EYS: variants seen among roughly 807,000 people sequenced by gnomAD.
EYS encodes the protein EGF-like photoreceptor maintenance factor.
A neutral mutation model predicts 282.1 loss-of-function variants in EYS; 250 were observed. That is an observed-to-expected ratio of 0.89 (90% CI 0.80 to 0.98). EYS has a LOEUF of 0.98. Among genes scored for constraint, EYS ranks in the 50% least tolerant of loss-of-function variants. The probability of loss-of-function intolerance (pLI) is 0.00; values close to 1 mark genes in which losing one functional copy is unlikely to be tolerated. For missense variants in EYS, 4,016 were observed against 3,709.0 expected, an observed-to-expected ratio of 1.08 and a Z score of -2.15; for synonymous variants, 1,355 against 1,282.9, an observed-to-expected ratio of 1.06 and a Z score of -1.20.
At chr6:64,778,322 G>T (rs889848914) in intron 22 of EYS, among the ~76,000 whole-genome samples, 1 of 152,264 alleles carries the variant, frequency 6.6e-6, no homozygotes, top group African/African-American at 2.4e-5. Flanking sequence ...ATAAAATGTT[G>T]CTTGTCCAGC....
At chr6:64,093,325 A>G (rs1392485076) in intron 31 of EYS, among the ~76,000 whole-genome samples, 1 of 152,142 alleles carries the variant, frequency 6.6e-6, no homozygotes, top group African/African-American at 2.4e-5. Context: ...ATGGCATTGA[A>G]TCTATAAATT....
At chr6:65,194,206 C>T (rs1344647838) in intron 12 of EYS, among the ~76,000 whole-genome samples, 2 of 151,804 alleles carry the variant, frequency 1.3e-5, no homozygotes, top group Admixed American at 6.6e-5. Flanking sequence ...TGCAACTTTT[C>T]TGTTCAATAG....
intron 22 of EYS, among the ~76,000 whole-genome samples, chr6:64,787,153 T>G (rs950600816): frequency 1.3e-5 from 2 of 152,196 alleles, no homozygotes; most frequent in Non-Finnish European, 2.9e-5. Flanking sequence ...TATGAGTCCC[T>G]TGTGCCAGTA....
At chr6:65,245,134 T>A (rs1767148761) in intron 12 of EYS, among the ~76,000 whole-genome samples, 1 of 152,170 alleles carries the variant, frequency 6.6e-6, no homozygotes, top group Non-Finnish European at 1.5e-5. Flanking sequence ...TTTAGAATCA[T>A]CCCAGCATAT....
rs150438668 is a variant in EYS, at chr6:64,127,198, G to C, written c.6425-45196C>G. Among the ~76,000 whole-genome samples, 1,438 of 152,198 alleles carry C rather than the reference G, an allele frequency of 9.4e-3. 7 individuals carry two copies. The highest frequency in any genetic ancestry group is 0.027 in the Middle Eastern group (8 of 294). ...ATATCATGTGTCTTGTTTGTATCTA[G>C]GTTTCTGAAAGCTTAAATACAGATT... On this transcript the variant is annotated intron_variant, in intron 31 of 42. Coordinates refer to ENST00000503581, the MANE Select transcript of EYS (RefSeq NM_001142800.2).
chr6:64,945,806 A>C lies in EYS; in HGVS notation c.2368T>G (p.Tyr790Asp). 6.5e-7 allele frequency: 1 copy of C among 1,548,896 alleles called. No homozygotes were observed. Among genetic ancestry groups the C allele is most frequent in the East Asian group, 2.5e-5 (1 of 40,766 alleles). The change falls in exon 15 of 43, where the codon TAC becomes GAC. Residue 790 changes from tyrosine to aspartate, a missense_variant. Physicochemically the swap from Tyr to Asp is radical, Grantham distance 160. Coordinates refer to ENST00000503581, the MANE Select transcript of EYS (RefSeq NM_001142800.2). ...TATGTTACTCACCGATAGCTTTTGT[A>C]AAGGTCAGTACAGGTGGAATTGTTC... ...CKNNSTCTDL[Y>D]KSYRCECTSG...
chr6:63,721,243 CA>C lies in EYS; in HGVS notation c.8787del (p.Asp2930ThrfsTer45). 6.4e-7 allele frequency: 1 copy of C among 1,551,752 alleles called. No homozygotes were observed. Among genetic ancestry groups the C allele is most frequent in the South Asian group, 1.2e-5 (1 of 84,024 alleles). ...NLCLHQSLCI[P>X]DQSFSYSCLC... The stretch of plus-strand genomic sequence containing the variant: ...AGGCAACTGTAAGAAAATGATTGGT[CA>C]GGTATACATAAAGATTGGTGGAGGC... On this transcript the variant is annotated frameshift_variant, in exon 43 of 43. Transcript: ENST00000503581. LOFTEE classifies it high-confidence loss of function.
chr6:64,924,023 C>A (rs960693160), intron 15 of EYS, among the ~76,000 whole-genome samples: 4 of 152,210 alleles, frequency 2.6e-5, no homozygotes, highest in African/African-American at 9.6e-5. Flanking sequence ...AGTAGGGACT[C>A]TGTGTGGGGA....
At chr6:64,089,631 TAC>T (rs1471194728) in intron 31 of EYS, among the ~76,000 whole-genome samples, 2 of 151,934 alleles carry the variant, frequency 1.3e-5, no homozygotes, top group Non-Finnish European at 2.9e-5. Flanking sequence ...ACTAAATTAT[TAC>T]ACTTACTTGA....
chr6:65,398,532 G>C (rs1245337612), intron 7 of EYS, among the ~76,000 whole-genome samples: 3 of 151,754 alleles, frequency 2.0e-5, no homozygotes, highest in Non-Finnish European at 4.4e-5. Flanking sequence ...AAAAAACTAG[G>C]AGAAACTCTT....
intron 15 of EYS, among the ~76,000 whole-genome samples, chr6:64,931,133 G>A (rs1346993317): frequency 2.0e-5 from 3 of 152,032 alleles, no homozygotes; most frequent in African/African-American, 7.2e-5. Flanking sequence ...AGTAACTTAG[G>A]ACACACAAAT....
intron 22 of EYS, among the ~76,000 whole-genome samples, chr6:64,682,538 T>A (rs1769937317): frequency 6.6e-6 from 1 of 151,976 alleles, no homozygotes; most frequent in Non-Finnish European, 1.5e-5. Context: ...AATGGCAGAG[T>A]ATGACCTTCC....
chr6:64,483,973 G>A (rs183354396), intron 26 of EYS, among the ~76,000 whole-genome samples: 1 of 151,616 alleles, frequency 6.6e-6, no homozygotes, highest in Non-Finnish European at 1.5e-5. Context: ...CACTTTTGTA[G>A]GTGGGCATTA....
Position 65,692,505 on chromosome 6 carries a change from T to C in EYS, c.-448+14630A>G, listed in dbSNP as rs1769280705. On this transcript the variant is annotated intron_variant, in intron 1 of 42. Coordinates refer to ENST00000503581, the MANE Select transcript of EYS (RefSeq NM_001142800.2). ...ACTTAGTTTATTAAAAGAAGATCTT[T>C]TCATACTTGTTTCCTGGTAATGAAA... Among the ~76,000 whole-genome samples the C allele has an allele frequency of 1.3e-5, 2 of 150,322 alleles. 1 individual carries two copies. The highest frequency in any genetic ancestry group is 1.3e-4 in the Admixed American group (2 of 14,968).
intron 26 of EYS, among the ~76,000 whole-genome samples, chr6:64,567,070 C>A (rs772331236): frequency 6.6e-6 from 1 of 152,050 alleles, no homozygotes; most frequent in Non-Finnish European, 1.5e-5. Flanking sequence ...CCACTCCACC[C>A]GGCCTTAATT....
intron 29 of EYS, among the ~76,000 whole-genome samples, chr6:64,383,198 G>A (rs564390131): frequency 6.6e-6 from 1 of 152,142 alleles, no homozygotes; most frequent in East Asian, 1.9e-4. Context: ...CTACTAGGGG[G>A]GCTGAGGTGG....
rs180835683 is a variant in EYS, at chr6:65,272,922, G to A, written c.2023+22941C>T. 1.3e-3 allele frequency among the ~76,000 whole-genome samples: 205 copies of A among 152,238 alleles called. 3 individuals are homozygous for A. Among genetic ancestry groups the A allele is most frequent in the African/African-American group, 4.5e-3 (189 of 41,564 alleles). ...TAGGGCCTACCATAAGCATGTGTGC[G>A]ATCAAGTTTAATTTATAAATTAGTC... On this transcript the variant is annotated intron_variant, in intron 12 of 42. Transcript: ENST00000503581.
chr6:64,396,083 C>T (rs965149079), intron 28 of EYS, among the ~76,000 whole-genome samples: 7 of 152,066 alleles, frequency 4.6e-5, no homozygotes, highest in African/African-American at 1.4e-4. Flanking sequence ...CAGACACACA[C>T]GCACACACAT....
intron 34 of EYS, among the ~76,000 whole-genome samples, chr6:63,995,285 A>G (rs531422766): frequency 6.6e-6 from 1 of 152,210 alleles, no homozygotes; most frequent in South Asian, 2.1e-4. Flanking sequence ...CAAATGGCCA[A>G]CAGGTATGTG....
Sources: allele counts gnomAD v4.1 joint callset (sites outside exome capture counted in the v4.1 genomes callset), GRCh38; gene constraint gnomAD v4.1.1; transcripts MANE v1.5; gene names NCBI Gene and HGNC (gene_info 2026-07-23, HGNC 2026-07-21).